Variants in BCAM observed in about 807,000 individuals in gnomAD.
The protein encoded by BCAM is basal cell adhesion molecule (Lutheran blood group).
In BCAM, 61 loss-of-function variants were observed where a neutral mutation model predicts 72.4. The observed-to-expected ratio is 0.84, with a 90% confidence interval of 0.69 to 1.04. The LOEUF is 1.04. Among genes scored for constraint, BCAM ranks in the 50% least tolerant of loss-of-function variants. BCAM has a pLI of 0.00. For missense variants in BCAM, 909 were observed against 895.0 expected, an observed-to-expected ratio of 1.02 and a Z score of -0.20; for synonymous variants, 408 against 384.2, an observed-to-expected ratio of 1.06 and a Z score of -0.73.
rs200398713 is a variant in BCAM at position 44,812,399 on chromosome 19, T to A, written c.433+8T>A. 1,696 of 1,614,058 alleles carry A rather than the reference T, an allele frequency of 1.1e-3. 3 individuals carry two copies. The highest frequency in any genetic ancestry group is 1.3e-3 in the Non-Finnish European group (1,547 of 1,179,960). On this transcript the variant is annotated splice_region_variant and intron_variant, in intron 3 of 14. Transcript: ENST00000270233. The surrounding 1 kb of genome is among the most constrained non-coding windows in gnomAD (Gnocchi z 5.3). ...CGCGGCTCAACGTGTTTGGTAAGTGTCCTCGGGCATCCCCCGAAGGGAGGC... is the reference window on the plus strand; with the variant it reads ...CGCGGCTCAACGTGTTTGGTAAGTGACCTCGGGCATCCCCCGAAGGGAGGC...
At chr19:44,816,660 C>T (rs1226209844) in intron 8 of BCAM, among the ~76,000 whole-genome samples, 1 of 152,190 alleles carries the variant, frequency 6.6e-6, no homozygotes, top group Non-Finnish European at 1.5e-5. Context: ...AGACAGCAGC[C>T]AGGCACAGTG....
rs1200660338 is a variant in BCAM, at chr19:44,809,107, T to G, written c.-18T>G. On this transcript the variant is annotated 5_prime_UTR_variant, in exon 1 of 15. Transcript: ENST00000270233. ...GCCGAGCTGCAGCCCGGGCTCAGTC[T>G]CCGCCGCCGCCGTGAACATGGAGCC... 2.8e-6 allele frequency: 4 copies of G among 1,421,132 alleles called. No homozygotes were observed. Among genetic ancestry groups the G allele is most frequent in the Non-Finnish European group, 3.7e-6 (4 of 1,088,128 alleles). The allele number at this position is 1,421,132 out of a possible 1,614,324, so 88.0% of individuals were successfully genotyped here. A position where few individuals can be genotyped will look rare whatever the true frequency, so the allele number is the denominator to read the frequency against.
chr19:44,819,972 CA>C, intron 13 of BCAM: 1 of 1,350,008 alleles, frequency 7.4e-7, no homozygotes, highest in Non-Finnish European at 9.5e-7. Flanking sequence ...GGGCCATCCC[CA>C]AACCCATCCC....
Position 44,818,692 on chromosome 19 carries a change from T to G in BCAM, c.1195-49T>G. The G allele has an allele frequency of 1.2e-6, 2 of 1,612,020 alleles. No individual in the cohort carries two copies. The highest frequency in any genetic ancestry group is 1.7e-6 in the Non-Finnish European group (2 of 1,178,498). Reference sequence around the variant, plus strand: ...TGCACTCGCACCCTCCTCTCTCCCCTCACTCCTCGCCCTCTCACAGCGTCC... The same window carrying G: ...TGCACTCGCACCCTCCTCTCTCCCCGCACTCCTCGCCCTCTCACAGCGTCC... On this transcript the variant is annotated intron_variant, in intron 9 of 14. Transcript: ENST00000270233. This position sits in a 1 kb window ranked among gnomAD's most constrained non-coding sequence, Gnocchi z 4.6.
In BCAM at chr19:44,820,696, T is replaced by TC. The variant is rs764406440; in HGVS notation, c.1764-3dup. 1.5e-6 allele frequency: 2 copies of TC among 1,328,306 alleles called. No individual in the cohort carries two copies. The highest frequency in any genetic ancestry group is 6.8e-5 in the Admixed American group (2 of 29,532). 82.3% of individuals were successfully genotyped at this position (1,328,306 alleles called of 1,614,324 possible). ...CACGACGCCTCCGCCCGCTGCCTCC[T>TC]CCCCCCAGGCCGCCAGGGGAGCCAG... On this transcript the variant is annotated splice_polypyrimidine_tract_variant and intron_variant, in intron 13 of 14. Coordinates refer to ENST00000270233, the MANE Select transcript of BCAM (RefSeq NM_005581.5).
rs1223525587 is a variant in BCAM, at chr19:44,818,110, A to G, written c.1079-412A>G. Reference sequence around the variant, plus strand: ...GAGTTTGAGACCCAGCCTGGCCAACATAGCAACACCTTGTCTCTATTCAAA... The same window carrying G: ...GAGTTTGAGACCCAGCCTGGCCAACGTAGCAACACCTTGTCTCTATTCAAA... On this transcript the variant is annotated intron_variant, in intron 8 of 14. Coordinates refer to ENST00000270233, the MANE Select transcript of BCAM (RefSeq NM_005581.5). The surrounding 1 kb of genome is among the most constrained non-coding windows in gnomAD (Gnocchi z 4.6). Among the ~76,000 whole-genome samples, 1 of 152,214 alleles carries G rather than the reference A, an allele frequency of 6.6e-6. No homozygotes were observed. The highest frequency in any genetic ancestry group is 2.4e-5 in the African/African-American group (1 of 41,452).
intron 1 of BCAM, 86 bp downstream of exon 1, chr19:44,809,292 C>T (rs1014074802): frequency 8.5e-7 from 1 of 1,174,868 alleles, no homozygotes; most frequent in East Asian, 3.2e-5. Flanking sequence ...TTTACCCTGA[C>T]CCCAGGAAGC....
In BCAM at chr19:44,818,733, C is replaced by T. The variant is rs771472781; in HGVS notation, c.1195-8C>T. 6.2e-6 allele frequency: 10 copies of T among 1,613,918 alleles called. No individual in the cohort carries two copies. The highest frequency in any genetic ancestry group is 8.5e-6 in the Non-Finnish European group (10 of 1,179,938). On this transcript the variant is annotated splice_region_variant and splice_polypyrimidine_tract_variant and intron_variant, in intron 9 of 14. Transcript: ENST00000270233. The surrounding 1 kb of genome is among the most constrained non-coding windows in gnomAD (Gnocchi z 4.6). ...CACAGCGTCCTCCTCCTCCTCTGCC[C>T]TTCCCAGGACTCCACTCCCCTGGGC...
chr19:44,820,424 T>G, intron 13 of BCAM: 10 of 1,167,316 alleles, frequency 8.6e-6, no homozygotes, highest in Admixed American at 4.5e-5. Context: ...CACATGGCCG[T>G]CCTCACCTCC....
At chr19:44,811,706 G>A in intron 2 of BCAM, 1 of 293,028 alleles carries the variant, frequency 3.4e-6, no homozygotes, top group Admixed American at 5.0e-5. Flanking sequence ...CCAACATGGT[G>A]AAACCCCGTC....
chr19:44,811,467 G>T lies in BCAM; in HGVS notation c.204+121G>T, dbSNP rs565814314. ...AAGCCACACTCCTTGTTACAGATGGGGTCACTGAGTCCCACTGAGGGGAAG... is the reference window on the plus strand; with the variant it reads ...AAGCCACACTCCTTGTTACAGATGGTGTCACTGAGTCCCACTGAGGGGAAG... On this transcript the variant is annotated intron_variant, in intron 2 of 14. Transcript: ENST00000270233. The T allele has an allele frequency of 4.6e-6, 7 of 1,514,146 alleles. No homozygotes were observed. The African/African-American group carries it at 9.6e-5, about 21-fold the overall frequency. 93.8% of individuals were successfully genotyped at this position (1,514,146 alleles called of 1,614,324 possible). A position where few individuals can be genotyped will look rare whatever the true frequency, so the allele number is the denominator to read the frequency against.
At chr19:44,811,799 C>T (rs1257672825) in intron 2 of BCAM, 4 of 356,420 alleles carry the variant, frequency 1.1e-5, no homozygotes, top group Admixed American at 9.4e-5. Context: ...GCAGGAGAAT[C>T]GCTTGAACCT....
At chr19:44,815,734 G>C (rs931226892) in intron 8 of BCAM, among the ~76,000 whole-genome samples, 1 of 152,208 alleles carries the variant, frequency 6.6e-6, no homozygotes, top group Non-Finnish European at 1.5e-5. Context: ...GCTGGGTGCA[G>C]TGGTTCATGC....
In BCAM at chr19:44,820,912, C is replaced by T; in HGVS notation, c.1882-4C>T. 6.4e-7 allele frequency: 1 copy of T among 1,562,440 alleles called. No individual in the cohort carries two copies. The highest frequency in any genetic ancestry group is 1.2e-5 in the South Asian group (1 of 84,582). On this transcript the variant is annotated splice_polypyrimidine_tract_variant and splice_region_variant and intron_variant, in intron 14 of 14. Coordinates refer to ENST00000270233, the MANE Select transcript of BCAM (RefSeq NM_005581.5). ...ACAGGCTGACCTCTCCATCCGCTCC[C>T]CAGTGCTGAGCCAAGAACCTCCTAG... is the stretch of plus-strand genomic sequence containing the variant.
chr19:44,812,385 G>C lies in BCAM; in HGVS notation c.427G>C (p.Val143Leu), dbSNP rs778465310. The C allele has an allele frequency of 6.2e-7, 1 of 1,614,078 alleles. No individual in the cohort carries two copies. The highest frequency in any genetic ancestry group is 2.2e-5 in the East Asian group (1 of 44,884). ...GTAEATARLN[V>L]FAKPEATEVS... is the part of the protein sequence containing the mutation. ...TGCTGAGGCCACTGCGCGGCTCAAC[G>C]TGTTTGGTAAGTGTCCTCGGGCATC... Residue 143 changes from valine to leucine, a missense_variant, in exon 3 of 15, where the codon GTG becomes CTG. Coordinates refer to ENST00000270233, the MANE Select transcript of BCAM (RefSeq NM_005581.5). This position sits in a 1 kb window ranked among gnomAD's most constrained non-coding sequence, Gnocchi z 5.3.
At position 44,813,622 on chromosome 19, in the gene BCAM, T is replaced by A; in HGVS notation, c.784+2T>A. 6.2e-7 allele frequency: 1 copy of A among 1,611,364 alleles called. No individual in the cohort carries two copies. The highest frequency in any genetic ancestry group is 8.5e-7 in the Non-Finnish European group (1 of 1,179,436). ...CCACCTTCCACCTCACCCTGCACTG[T>A]GAGTCTGTGCTGGCCTTTGACCTCT... is the stretch of plus-strand genomic sequence containing the variant. On this transcript the variant is annotated splice_donor_variant, in intron 6 of 14. Coordinates refer to ENST00000270233, the MANE Select transcript of BCAM (RefSeq NM_005581.5). LOFTEE classifies it high-confidence loss of function. This position sits in a 1 kb window ranked among gnomAD's most constrained non-coding sequence, Gnocchi z 4.2.
In BCAM at chr19:44,820,827, G is replaced by T; in HGVS notation, c.1881+5G>T. ...AGCGGGGGCTTCGGAGACGAGGTGGGTGAGGGCCTGGGCCCCCTGGTGAGA... is the reference window on the plus strand; with the variant it reads ...AGCGGGGGCTTCGGAGACGAGGTGGTTGAGGGCCTGGGCCCCCTGGTGAGA... On this transcript the variant is annotated splice_donor_5th_base_variant and intron_variant, in intron 14 of 14. Coordinates refer to ENST00000270233, the MANE Select transcript of BCAM (RefSeq NM_005581.5). The T allele has an allele frequency of 6.6e-7, 1 of 1,515,632 alleles. No individual in the cohort carries two copies. 93.9% of individuals were successfully genotyped at this position (1,515,632 alleles called of 1,614,324 possible). A position where few individuals can be genotyped will look rare whatever the true frequency, so the allele number is the denominator to read the frequency against.
Position 44,814,775 on chromosome 19 carries a change from T to A in BCAM, c.1078+15T>A, listed in dbSNP as rs778552042. 3 of 1,599,690 alleles carry A rather than the reference T, an allele frequency of 1.9e-6. No homozygotes were observed. The African/African-American group carries it at 4.0e-5, about 21-fold the overall frequency. On this transcript the variant is annotated intron_variant, in intron 8 of 14. Coordinates refer to ENST00000270233, the MANE Select transcript of BCAM (RefSeq NM_005581.5). This position sits in a 1 kb window ranked among gnomAD's most constrained non-coding sequence, Gnocchi z 4.6. ...GCGCGTGGCCTGTGAGAGCCCTGGG[T>A]GAACGGGCGGGCAGGAGGGGCCCTG...
In BCAM at chr19:44,812,392, G is replaced by C. The variant is rs1968436454; in HGVS notation, c.433+1G>C. On this transcript the variant is annotated splice_donor_variant, in intron 3 of 14. Coordinates refer to ENST00000270233, the MANE Select transcript of BCAM (RefSeq NM_005581.5). LOFTEE classifies it high-confidence loss of function. The surrounding 1 kb of genome is among the most constrained non-coding windows in gnomAD (Gnocchi z 5.3). ...GCCACTGCGCGGCTCAACGTGTTTG[G>C]TAAGTGTCCTCGGGCATCCCCCGAA... 1 of 1,613,998 alleles carries C rather than the reference G, an allele frequency of 6.2e-7. No individual in the cohort carries two copies. Among genetic ancestry groups the C allele is most frequent in the Non-Finnish European group, 8.5e-7 (1 of 1,179,978 alleles).
Sources: gnomAD v4.1 joint callset for allele counts (sites outside exome capture counted in the v4.1 genomes callset) on GRCh38, gnomAD v4.1.1 for gene constraint, Gnocchi (gnomAD v3.1) non-coding constraint, MANE v1.5 for transcripts, NCBI Gene and HGNC (gene_info 2026-07-23, HGNC 2026-07-21) for gene names.